The following LRRTM4 variants were observed in gnomAD, a reference collection of about 807,000 sequenced individuals.
LRRTM4 encodes leucine-rich repeat transmembrane neuronal protein 4.
Under a neutral mutation model 47.6 loss-of-function variants are expected in LRRTM4, and 25 were observed. The observed-to-expected ratio is 0.53, with a 90% CI of 0.38 to 0.73. The LOEUF is 0.73. Among genes scored for constraint, LRRTM4 ranks in the 30% least tolerant of loss-of-function variants. LRRTM4 has a pLI of 0.00. For missense variants in LRRTM4, 638 were observed against 713.4 expected (o/e 0.89, Z 1.20); for synonymous variants, 311 against 269.5 (o/e 1.15, Z -1.51).
At chr2:77,463,965 T>A (rs887875439) in intron 3 of LRRTM4, among the ~76,000 whole-genome samples, 2 of 152,114 alleles carry the variant, frequency 1.3e-5, no homozygotes, top group Non-Finnish European at 2.9e-5. Context: ...GATGAATGGA[T>A]GAATACAAAG....
intron 3 of LRRTM4, among the ~76,000 whole-genome samples, chr2:76,830,830 C>T (rs373435455): frequency 1.3e-5 from 2 of 151,930 alleles, no homozygotes; most frequent in Admixed American, 6.6e-5. Flanking sequence ...GTAAAATGCA[C>T]ACAATGTTAA....
At chr2:77,335,541 T>A (rs777968599) in intron 3 of LRRTM4, among the ~76,000 whole-genome samples, 9 of 152,336 alleles carry the variant, frequency 5.9e-5, no homozygotes, top group Non-Finnish European at 1.0e-4. Context: ...TGTATCTTAC[T>A]ATTTAAGCTG....
chr2:77,243,537 G>A (rs993549152), intron 3 of LRRTM4, among the ~76,000 whole-genome samples: 1 of 151,946 alleles, frequency 6.6e-6, no homozygotes, highest in African/African-American at 2.4e-5. Context: ...GGCATCTGGG[G>A]GAAAGGGAGA....
At chr2:77,182,562 A>G (rs556064728) in intron 3 of LRRTM4, among the ~76,000 whole-genome samples, 2 of 152,154 alleles carry the variant, frequency 1.3e-5, no homozygotes, top group Non-Finnish European at 2.9e-5. Flanking sequence ...TAAAAAAAAC[A>G]TAATAGCTTA....
At chr2:76,974,253 T>TAC (rs79455132) in intron 3 of LRRTM4, among the ~76,000 whole-genome samples, 4 of 137,566 alleles carry the variant, frequency 2.9e-5, no homozygotes, top group Non-Finnish European at 6.1e-5. Context: ...TATATATATA[T>TAC]ACACACACAT....
intron 3 of LRRTM4, among the ~76,000 whole-genome samples, chr2:77,509,280 T>C (rs1364962803): frequency 2.0e-5 from 3 of 151,234 alleles, no homozygotes; most frequent in Non-Finnish European, 2.9e-5. Flanking sequence ...TTTCTGCTTA[T>C]TAAAATGAAC....
chr2:77,315,877 C>T (rs550147950), intron 3 of LRRTM4, among the ~76,000 whole-genome samples: 1 of 152,186 alleles, frequency 6.6e-6, no homozygotes, highest in Non-Finnish European at 1.5e-5. Context: ...TGGAGCCTTG[C>T]TCCAATTTGT....
chr2:77,442,205 G>A (rs921239000), intron 3 of LRRTM4, among the ~76,000 whole-genome samples: 4 of 152,070 alleles, frequency 2.6e-5, no homozygotes, highest in South Asian at 2.1e-4. Context: ...TTTCACCTGT[G>A]TTTTCCTTTT....
intron 3 of LRRTM4, among the ~76,000 whole-genome samples, chr2:77,194,970 A>T (rs1673770857): frequency 6.6e-6 from 1 of 152,166 alleles, no homozygotes; most frequent in East Asian, 1.9e-4. Flanking sequence ...GTTATAAGAT[A>T]AAAATATTGA....
chr2:77,011,739 C>T (rs1677883916), intron 3 of LRRTM4, among the ~76,000 whole-genome samples: 1 of 152,004 alleles, frequency 6.6e-6, no homozygotes, highest in Non-Finnish European at 1.5e-5. Flanking sequence ...TTATAGTTAA[C>T]ATTATCTTAT....
At chr2:76,907,129 T>C (rs1573293784) in intron 3 of LRRTM4, among the ~76,000 whole-genome samples, 1 of 151,398 alleles carries the variant, frequency 6.6e-6, no homozygotes, top group East Asian at 2.0e-4. Context: ...AGAACAGAAA[T>C]TATAACAAAC....
chr2:77,064,585 G>A (rs116178120), intron 3 of LRRTM4, among the ~76,000 whole-genome samples: 1 of 152,132 alleles, frequency 6.6e-6, no homozygotes, highest in Non-Finnish European at 1.5e-5. Flanking sequence ...AGAAGTATGT[G>A]CATATCTTAG....
intron 3 of LRRTM4, among the ~76,000 whole-genome samples, chr2:77,274,647 G>A (rs1426465491): frequency 6.6e-6 from 1 of 152,066 alleles, no homozygotes; most frequent in Non-Finnish European, 1.5e-5. Context: ...TATCACAATT[G>A]TATTAAAAGT....
At chr2:77,462,222 T>C (rs147273776) in intron 3 of LRRTM4, among the ~76,000 whole-genome samples, 71 of 152,222 alleles carry the variant, frequency 4.7e-4, no homozygotes, top group African/African-American at 1.6e-3. Flanking sequence ...TGATGTGAGC[T>C]CTGAAGTATT....
intron 3 of LRRTM4, among the ~76,000 whole-genome samples, chr2:76,985,258 T>C (rs374270394): frequency 5.3e-5 from 8 of 152,040 alleles, no homozygotes; most frequent in African/African-American, 1.9e-4. Flanking sequence ...ATGTAAAAGT[T>C]GTTTATATTT....
Position 77,519,397 on chromosome 2 carries a change from T to G in LRRTM4, c.472A>C (p.Lys158Gln). The change falls in exon 3 of 4, where the codon AAA becomes CAA. Residue 158 changes from lysine to glutamine, a missense_variant. Transcript: ENST00000409884. The surrounding 1 kb of genome is among the most constrained non-coding windows in gnomAD (Gnocchi z 4.6). The part of the protein sequence containing the change: ...LQSEQFKGLR[K>Q]LIILHLRSNS... ...GATCTCAAGTGCAAAATGATGAGTT[T>G]CCGAAGGCCTTTAAATTGTTCAGAT... is the stretch of plus-strand genomic sequence containing the variant. 6.2e-7 allele frequency: 1 copy of G among 1,613,442 alleles called. No individual in the cohort carries two copies. Among genetic ancestry groups the G allele is most frequent in the Non-Finnish European group, 8.5e-7 (1 of 1,179,628 alleles).
intron 3 of LRRTM4, among the ~76,000 whole-genome samples, chr2:76,754,325 T>G (rs1183168425): frequency 6.6e-6 from 1 of 152,146 alleles, no homozygotes; most frequent in Admixed American, 6.5e-5. Context: ...GGGTACTGGT[T>G]TTTTTCAAGA....
At chr2:77,359,197 T>G (rs912775858) in intron 3 of LRRTM4, among the ~76,000 whole-genome samples, 4 of 152,144 alleles carry the variant, frequency 2.6e-5, no homozygotes, top group African/African-American at 7.2e-5. Flanking sequence ...TCTAATTATT[T>G]TATGTTCTTG....
chr2:77,473,264 G>T (rs13417799), intron 3 of LRRTM4, among the ~76,000 whole-genome samples: 1 of 152,054 alleles, frequency 6.6e-6, no homozygotes, highest in Non-Finnish European at 1.5e-5. Context: ...ATGAATAATC[G>T]TTATGCAATC....
Sources: allele counts gnomAD v4.1 joint callset (sites outside exome capture counted in the v4.1 genomes callset), GRCh38; gene constraint gnomAD v4.1.1; non-coding constraint Gnocchi (gnomAD v3.1); transcripts MANE v1.5; gene names NCBI Gene and HGNC (gene_info 2026-07-23, HGNC 2026-07-21).